PDZD2: variants seen among roughly 807,000 people sequenced by gnomAD.
PDZD2 encodes PDZ domain-containing protein 2.
In PDZD2, 90 loss-of-function variants were observed where a neutral mutation model predicts 220.7. The ratio of observed to expected loss-of-function variants is 0.41; its 90% CI spans 0.34 to 0.49. The LOEUF (loss-of-function observed/expected upper bound fraction) is 0.49. Among genes scored for constraint, PDZD2 ranks in the 20% least tolerant of loss-of-function variants. The probability of loss-of-function intolerance (pLI) is 0.28; values close to 1 mark genes in which losing one functional copy is unlikely to be tolerated. For synonymous variants in PDZD2, 1,375 were observed against 1,450.5 expected (o/e 0.95, Z 1.18); for missense variants, 3,174 against 3,608.5 (o/e 0.88, Z 3.08).
intron 2 of PDZD2, among the ~76,000 whole-genome samples, chr5:31,814,194 T>C (rs970925590): frequency 6.6e-6 from 1 of 152,184 alleles, no homozygotes; most frequent in Non-Finnish European, 1.5e-5. Flanking sequence ...TTATATCAGG[T>C]AACAGTAGCT....
chr5:32,032,652 T>C (rs1755217448), intron 6 of PDZD2, among the ~76,000 whole-genome samples: 1 of 152,208 alleles, frequency 6.6e-6, no homozygotes, highest in Admixed American at 6.5e-5. Context: ...TGTCTGTCTT[T>C]TCCTAAAAAA....
At chr5:31,808,583 G>A (rs2150239684) in intron 2 of PDZD2, among the ~76,000 whole-genome samples, 1 of 152,300 alleles carries the variant, frequency 6.6e-6, no homozygotes. Context: ...GGCTTCAGGA[G>A]GTGGTTTCCT....
chr5:31,811,063 A>G (rs1257805381), intron 2 of PDZD2, among the ~76,000 whole-genome samples: 2 of 151,990 alleles, frequency 1.3e-5, no homozygotes, highest in African/African-American at 2.4e-5. Context: ...GGTTGGCTCA[A>G]TGCAACCTCC....
intron 2 of PDZD2, among the ~76,000 whole-genome samples, chr5:31,897,582 G>C (rs1490138710): frequency 6.6e-6 from 1 of 152,186 alleles, no homozygotes; most frequent in African/African-American, 2.4e-5. Context: ...GCTTCCTATT[G>C]ATGTGAAAAT....
chr5:31,832,782 C>T (rs1022582726), intron 2 of PDZD2, among the ~76,000 whole-genome samples: 1 of 151,740 alleles, frequency 6.6e-6, no homozygotes, highest in Non-Finnish European at 1.5e-5. Flanking sequence ...CGCCACTGCA[C>T]TCCAGCCTGG....
At chr5:31,911,215 C>G (rs1223810417) in intron 2 of PDZD2, among the ~76,000 whole-genome samples, 3 of 152,220 alleles carry the variant, frequency 2.0e-5, no homozygotes, top group African/African-American at 7.2e-5. Flanking sequence ...TCTGAAACAA[C>G]TGCTGGTCAC....
At chr5:31,649,869 C>T (rs886687888) in intron 1 of PDZD2, among the ~76,000 whole-genome samples, 1 of 121,644 alleles carries the variant, frequency 8.2e-6, no homozygotes, top group Non-Finnish European at 1.6e-5. Context: ...ACCCGGGAGG[C>T]GGAGGTTGCA....
At chr5:31,871,482 C>T (rs573808296) in intron 2 of PDZD2, among the ~76,000 whole-genome samples, 5 of 152,310 alleles carry the variant, frequency 3.3e-5, no homozygotes, top group African/African-American at 9.6e-5. Context: ...GAGACAGTCT[C>T]GCTCTGTCAT....
rs1743913207 is a variant in PDZD2 at position 32,098,257 on chromosome 5, A to G, written c.7948-107A>G. ...ACTCCCTCTCAAAAAATAAAAATAA[A>G]AAAGGAAGGTTCCTTTACTACAGAT... On this transcript the variant is annotated intron_variant, in intron 22 of 24. Coordinates refer to ENST00000438447, the MANE Select transcript of PDZD2 (RefSeq NM_178140.4). This position sits in a 1 kb window ranked among gnomAD's most constrained non-coding sequence, Gnocchi z 4.1. 1 of 1,128,946 alleles carries G rather than the reference A, an allele frequency of 8.9e-7. No homozygotes were observed. The highest frequency in any genetic ancestry group is 1.3e-6 in the Non-Finnish European group (1 of 794,462). The allele number at this position is 1,128,946 out of a possible 1,614,324, so 69.9% of individuals were successfully genotyped here.
In PDZD2 at chr5:31,983,418, G is replaced by A. The variant is rs1442154854; in HGVS notation, c.740G>A (p.Ser247Asn). ...SAGCEVSSDP[S>N]TELENGPDPE... ...GGCTGTGAGGTGTCCAGTGACCCCA[G>A]CACTGAGCTGGAGAACGGCCCTGAC... The change falls in exon 3 of 25, where the codon AGC (serine) becomes AAC (asparagine). Residue 247 changes from serine (S) to asparagine (N), a missense_variant. By Grantham distance (46) the Ser-to-Asn change is conservative (BLOSUM62 1). Coordinates refer to ENST00000438447, the MANE Select transcript of PDZD2 (RefSeq NM_178140.4). 1 of 1,614,082 alleles carries A rather than the reference G, an allele frequency of 6.2e-7. No individual in the cohort carries two copies. The highest frequency in any genetic ancestry group is 1.3e-5 in the African/African-American group (1 of 74,918).
chr5:31,946,908 T>C (rs1362815952), intron 2 of PDZD2, among the ~76,000 whole-genome samples: 1 of 152,174 alleles, frequency 6.6e-6, no homozygotes, highest in East Asian at 1.9e-4. Context: ...TTAACGACAT[T>C]GCCCAGGCTG....
At chr5:32,102,190 G>C (rs990637374) in intron 24 of PDZD2, among the ~76,000 whole-genome samples, 4 of 152,116 alleles carry the variant, frequency 2.6e-5, no homozygotes, top group African/African-American at 9.7e-5. Context: ...TGAAGCCTCT[G>C]TGGTAAGCAG....
intron 1 of PDZD2, among the ~76,000 whole-genome samples, chr5:31,656,603 C>T (rs954901923): frequency 2.6e-5 from 4 of 152,200 alleles, no homozygotes; most frequent in Admixed American, 6.5e-5. Context: ...ACCTTGGCAT[C>T]GTCCCCTCTG....
chr5:31,674,887 G>A (rs532782041), intron 1 of PDZD2, among the ~76,000 whole-genome samples: 10 of 152,090 alleles, frequency 6.6e-5, no homozygotes, highest in Non-Finnish European at 1.5e-4. Flanking sequence ...GCAGAGAGAA[G>A]GAGAGGCACA....
At chr5:31,989,432 T>TTTTTTATTTTTTTTATTTTTTTTA (rs1392278691) in intron 3 of PDZD2, among the ~76,000 whole-genome samples, 3 of 148,218 alleles carry the variant, frequency 2.0e-5, no homozygotes, top group African/African-American at 7.5e-5. Flanking sequence ...TTTTTTTTTT[T>TTTTTTATTTTTTTTATTTTTTTTA]TTTTTTTTGA....
intron 2 of PDZD2, among the ~76,000 whole-genome samples, chr5:31,965,481 CAGTG>C (rs1243587242): frequency 6.6e-6 from 1 of 152,212 alleles, no homozygotes; most frequent in Non-Finnish European, 1.5e-5. Flanking sequence ...AAGAAGACAA[CAGTG>C]AGAATCGCCA....
chr5:31,843,905 A>G (rs1757457275), intron 2 of PDZD2: 1 of 152,260 alleles, frequency 6.6e-6, no homozygotes, highest in Non-Finnish European at 1.5e-5. Context: ...TCAAGGTTCT[A>G]TCTGGTCCTT....
intron 2 of PDZD2, chr5:31,848,003 C>T (rs897659359): frequency 5.1e-6 from 2 of 390,422 alleles, no homozygotes; most frequent in African/African-American, 4.2e-5. Context: ...TGCTGCTATG[C>T]AAGAGAATCC....
intron 2 of PDZD2, among the ~76,000 whole-genome samples, chr5:31,870,538 C>T (rs892959129): frequency 6.6e-6 from 1 of 152,160 alleles, no homozygotes; most frequent in African/African-American, 2.4e-5. Flanking sequence ...TCTGACCTCA[C>T]AGTAGCAAGT....
Sources: gnomAD v4.1 joint callset for allele counts (sites outside exome capture counted in the v4.1 genomes callset) on GRCh38, gnomAD v4.1.1 for gene constraint, Gnocchi (gnomAD v3.1) non-coding constraint, MANE v1.5 for transcripts, NCBI Gene and HGNC (gene_info 2026-07-23, HGNC 2026-07-21) for gene names.